The following DHX8 variants were observed in gnomAD, a reference collection of about 807,000 sequenced individuals.
DHX8 encodes the protein DEAH-box helicase 8.
Under a neutral mutation model 140.7 loss-of-function variants are expected in DHX8, and 67 were observed. The observed-to-expected ratio is 0.48, with a 90% CI of 0.39 to 0.58. The LOEUF (loss-of-function observed/expected upper bound fraction) is 0.58, where lower values mean the gene tolerates loss of function less well. DHX8 is among the 20% of genes least tolerant of loss of function. The pLI is 0.00. For synonymous variants in DHX8, 533 were observed against 553.2 expected, an observed-to-expected ratio of 0.96 and a Z score of 0.51; for missense variants, 887 against 1,550.7, an observed-to-expected ratio of 0.57 and a Z score of 7.19.
At chr17:43,532,712 A>G in intron 2 of DHX8, 1 of 1,613,364 alleles carries the variant, frequency 6.2e-7, no homozygotes, top group Non-Finnish European at 8.5e-7. Flanking sequence ...CTGTTTGATC[A>G]CCACCCCCGC....
intron 2 of DHX8, chr17:43,533,356 T>G: frequency 1.2e-6 from 2 of 1,610,238 alleles, no homozygotes; most frequent in Non-Finnish European, 1.7e-6. Flanking sequence ...GCACTGGAGT[T>G]GAGAAGGAGA....
intron 16 of DHX8, among the ~76,000 whole-genome samples, chr17:43,509,602 G>T (rs2035090011): frequency 1.3e-5 from 2 of 151,798 alleles, no homozygotes; most frequent in African/African-American, 4.8e-5. Context: ...TCCTGCCTCA[G>T]CCGCCTAAGC....
intron 3 of DHX8, among the ~76,000 whole-genome samples, chr17:43,539,203 A>G (rs1036506379): frequency 1.1e-4 from 17 of 151,930 alleles, no homozygotes; most frequent in African/African-American, 3.6e-4. Context: ...GGCCTTGCCT[A>G]CCTCTCTGAC....
intron 10 of DHX8, 24 bp downstream of exon 10, chr17:43,498,983 C>T: frequency 6.5e-7 from 1 of 1,540,206 alleles, no homozygotes. Flanking sequence ...GACCTTTAAC[C>T]TGGAAATGTC....
intron 9 of DHX8, among the ~76,000 whole-genome samples, chr17:43,497,080 TC>T (rs2154586476): frequency 6.6e-6 from 1 of 152,328 alleles, no homozygotes; most frequent in South Asian, 2.1e-4. Flanking sequence ...GCTTAGATCT[TC>T]TTTCTTCCTT....
chr17:43,490,468 G>A lies in DHX8; in HGVS notation c.307+5G>A. On this transcript the variant is annotated splice_donor_5th_base_variant and intron_variant, in intron 3 of 22. Coordinates refer to ENST00000262415, the MANE Select transcript of DHX8 (RefSeq NM_004941.3). ...CGAAGCCTTCCACTAGCAAAGGTAA[G>A]CAGAGCTTCCAGCTGAGCTTAGCTT... The A allele has an allele frequency of 6.2e-7, 1 of 1,612,108 alleles. No homozygotes were observed. Among genetic ancestry groups the A allele is most frequent in the Non-Finnish European group, 8.5e-7 (1 of 1,178,758 alleles).
intron 16 of DHX8, among the ~76,000 whole-genome samples, chr17:43,511,456 A>ATTTGTTTTTTTTTTTTTT (rs1969822249): frequency 1.8e-5 from 1 of 56,790 alleles, no homozygotes; most frequent in Non-Finnish European, 2.9e-5. Context: ...TGATCCCAGC[A>ATTTGTTTTTTTTTTTTTT]TTTTTTTTTT....
chr17:43,513,980 T>C (rs1189054039), intron 17 of DHX8, among the ~76,000 whole-genome samples: 1 of 152,054 alleles, frequency 6.6e-6, no homozygotes, highest in Non-Finnish European at 1.5e-5. Flanking sequence ...CCCAAAGTGC[T>C]GGGATTACAG....
At chr17:43,531,824 G>C (rs1970951803) in intron 2 of DHX8, among the ~76,000 whole-genome samples, 1 of 152,172 alleles carries the variant, frequency 6.6e-6, no homozygotes. Context: ...GTATTTTTAA[G>C]CCTCTGTGGG....
Position 43,507,030 on chromosome 17 carries a change from G to T in DHX8, c.1756G>T (p.Val586Phe). 1 of 1,610,232 alleles carries T rather than the reference G, an allele frequency of 6.2e-7. No homozygotes were observed. The highest frequency in any genetic ancestry group is 8.5e-7 in the Non-Finnish European group (1 of 1,178,530). The change falls in exon 13 of 23, where the codon GTC (valine) becomes TTC (phenylalanine). Residue 586 changes from valine (V) to phenylalanine (F), a missense_variant. By Grantham distance (50) the Val-to-Phe change is conservative. Coordinates refer to ENST00000262415, the MANE Select transcript of DHX8 (RefSeq NM_004941.3). Reference sequence around the variant, plus strand: ...CGTCCATGACAATCAGATCCTGATTGTCATTGGTGAGACAGGATCTGGAAA... The same window carrying T: ...CGTCCATGACAATCAGATCCTGATTTTCATTGGTGAGACAGGATCTGGAAA... The part of the protein sequence containing the change: ...QAVHDNQILI[V>F]IGETGSGKTT...
intron 3 of DHX8, among the ~76,000 whole-genome samples, chr17:43,540,734 C>CT (rs1971477257): frequency 6.6e-6 from 1 of 152,140 alleles, no homozygotes; most frequent in Admixed American, 6.5e-5. Context: ...CCCAGGGATG[C>CT]AAAGCCAGGC....
chr17:43,526,859 G>C (rs927669556), downstream of DHX8: 15 of 428,914 alleles, frequency 3.5e-5, no homozygotes, highest in Non-Finnish European at 5.0e-5. Context: ...TTTCTAGGAA[G>C]AAGTAATGTT....
In DHX8 at chr17:43,509,861, G is replaced by A. The variant is rs184461227; in HGVS notation, c.2502+1341G>A. Reference sequence around the variant, plus strand: ...TTTTTGTATTTTTAGTAGAGATGGGGTTTCCCCACGTTGGCCGGGCTGGTC... The same window carrying A: ...TTTTTGTATTTTTAGTAGAGATGGGATTTCCCCACGTTGGCCGGGCTGGTC... On this transcript the variant is annotated intron_variant, in intron 16 of 22. Coordinates refer to ENST00000262415, the MANE Select transcript of DHX8 (RefSeq NM_004941.3). Among the ~76,000 whole-genome samples, 392 of 152,000 alleles carry A rather than the reference G, an allele frequency of 2.6e-3. 6 individuals carry two copies. The highest frequency in any genetic ancestry group is 1.3e-3 in the Non-Finnish European group (88 of 67,962).
chr17:43,491,227 C>A lies in DHX8; in HGVS notation c.370C>A (p.Gln124Lys). ...GAAGGAACTCTTCCCAGTCCTTTGC[C>A]AACCGGACAACCCTTCTGTTCGGGT... is the stretch of plus-strand genomic sequence containing the variant. ...KLKELFPVLC[Q>K]PDNPSVRTML... is the part of the protein sequence containing the mutation. The change falls in exon 4 of 23, where the codon CAA becomes AAA. Residue 124 changes from glutamine (Q) to lysine (K), a missense_variant. Physicochemically the swap from Gln to Lys is moderately conservative, Grantham distance 53 (BLOSUM62 1). Coordinates refer to ENST00000262415, the MANE Select transcript of DHX8 (RefSeq NM_004941.3). 1.3e-6 allele frequency: 2 copies of A among 1,533,868 alleles called. No homozygotes were observed. Among genetic ancestry groups the A allele is most frequent in the East Asian group, 2.4e-5 (1 of 42,200 alleles).
chr17:43,517,262 G>C lies in DHX8; in HGVS notation c.2739G>C (p.Leu913=), dbSNP rs1192717769. 1.9e-6 allele frequency: 3 copies of C among 1,614,092 alleles called. No individual in the cohort carries two copies. The highest frequency in any genetic ancestry group is 2.5e-6 in the Non-Finnish European group (3 of 1,180,002). ...YTERAYRDEM[L]TTNVPEIQRT... ...AACGTGCCTACCGAGATGAAATGCTGACCACCAACGTGCCGGAAATCCAGA... is the reference window on the plus strand; with the variant it reads ...AACGTGCCTACCGAGATGAAATGCTCACCACCAACGTGCCGGAAATCCAGA... Residue 913 remains leucine, a synonymous_variant, in exon 18 of 23, where the codon CTG becomes CTC. Coordinates refer to ENST00000262415, the MANE Select transcript of DHX8 (RefSeq NM_004941.3).
chr17:43,533,894 G>C, intron 2 of DHX8: 2 of 1,599,214 alleles, frequency 1.3e-6, no homozygotes, highest in Non-Finnish European at 1.7e-6. Flanking sequence ...GGTGGTAGGG[G>C]AGTGGCGGCT....
intron 2 of DHX8, among the ~76,000 whole-genome samples, chr17:43,535,837 C>T (rs1448123307): frequency 6.6e-6 from 1 of 152,086 alleles, no homozygotes; most frequent in Non-Finnish European, 1.5e-5. Flanking sequence ...TGGGGGCGGG[C>T]GCACTGGGCT....
intron 2 of DHX8, chr17:43,532,790 G>A (rs1971016458): frequency 1.2e-6 from 2 of 1,614,008 alleles, no homozygotes; most frequent in African/African-American, 1.3e-5. Context: ...TTCATACAGG[G>A]GATCATGGTA....
chr17:43,508,639 C>G (rs551804919), intron 16 of DHX8, 119 bp downstream of exon 16: 2 of 622,568 alleles, frequency 3.2e-6, no homozygotes, highest in Admixed American at 3.6e-5. Flanking sequence ...TTTTTTTCCT[C>G]GAGGCAGAGT....
Sources: allele counts gnomAD v4.1 joint callset (sites outside exome capture counted in the v4.1 genomes callset), GRCh38; gene constraint gnomAD v4.1.1; transcripts MANE v1.5; gene names NCBI Gene and HGNC (gene_info 2026-07-23, HGNC 2026-07-21).